The following MYH15 variants were observed in gnomAD, a reference collection of about 807,000 sequenced individuals.
MYH15 encodes myosin-15.
Under a neutral mutation model 240.5 loss-of-function variants are expected in MYH15, and 227 were observed. The ratio of observed to expected loss-of-function variants is 0.94; its 90% CI spans 0.85 to 1.05. The LOEUF is 1.05. Among genes scored for constraint, MYH15 ranks in the 50% least tolerant of loss-of-function variants. The probability of loss-of-function intolerance (pLI) is 0.00; values close to 1 mark genes in which losing one functional copy is unlikely to be tolerated. For synonymous variants in MYH15, 785 were observed against 796.7 expected, an observed-to-expected ratio of 0.99 and a Z score of 0.25; for missense variants, 2,217 against 2,247.5, an observed-to-expected ratio of 0.99 and a Z score of 0.27.
the MYH15 span, among the ~76,000 whole-genome samples, chr3:108,542,779 T>G: frequency 1.3e-5 from 2 of 152,120 alleles, no homozygotes; most frequent in Non-Finnish European, 2.9e-5. Flanking sequence ...CTCCCACTTA[T>G]AACTGAGAAC....
chr3:108,540,729 T>C, the MYH15 span, among the ~76,000 whole-genome samples: 1 of 152,108 alleles, frequency 6.6e-6, no homozygotes, highest in Non-Finnish European at 1.5e-5. Context: ...TAAAATTGCT[T>C]CCATTAACAC....
chr3:108,531,803 A>AATAC (rs1553690584), upstream of MYH15, among the ~76,000 whole-genome samples: 107 of 150,764 alleles, frequency 7.1e-4, 1 homozygote, highest in Middle Eastern at 3.4e-3. Flanking sequence ...TAAATAAATA[A>AATAC]ATACATAAAT....
At position 108,463,941 on chromosome 3, in the gene MYH15, CTGA is replaced by C. The variant is rs2083092400; in HGVS notation, c.1731+694_1731+696del. On this transcript the variant is annotated intron_variant, in intron 15 of 40. Transcript: ENST00000693548. Reference sequence around the variant, plus strand: ...GAATGGTGAAATAATCCAACTGTCTCTGACATACAGTGAACATTCAAAAAAAAA... The same window carrying C: ...GAATGGTGAAATAATCCAACTGTCTCCATACAGTGAACATTCAAAAAAAAA... 5.3e-5 allele frequency among the ~76,000 whole-genome samples: 8 copies of C among 151,614 alleles called. No homozygotes were observed. The South Asian group carries it at 1.7e-3, about 32-fold the overall frequency.
chr3:108,396,984 G>A lies in MYH15; in HGVS notation c.5133+1653C>T, dbSNP rs139957652. Reference sequence around the variant, plus strand: ...TATCTCTGGACCCTACTCACTAAATGCCAGTGGTATTTCCCAGTCACTGTG... The same window carrying A: ...TATCTCTGGACCCTACTCACTAAATACCAGTGGTATTTCCCAGTCACTGTG... On this transcript the variant is annotated intron_variant, in intron 35 of 40. Transcript: ENST00000693548. Among the ~76,000 whole-genome samples the A allele has an allele frequency of 3.8e-3, 573 of 152,264 alleles. 7 individuals are homozygous for A. The highest frequency in any genetic ancestry group is 0.013 in the African/African-American group (538 of 41,530).
intron 1 of MYH15, among the ~76,000 whole-genome samples, chr3:108,516,112 G>T (rs1222715743): frequency 6.6e-6 from 1 of 152,174 alleles, no homozygotes; most frequent in Non-Finnish European, 1.5e-5. Context: ...TGATGCCTAT[G>T]AAGTAAATTG....
rs1491113179 is a variant in MYH15, at chr3:108,383,737, AAT to A, written c.5632-10_5632-9del. The A allele has an allele frequency of 2.6e-4, 367 of 1,420,156 alleles. 2 individuals are homozygous for A. The highest frequency in any genetic ancestry group is 6.8e-4 in the Admixed American group (28 of 41,246). The allele number at this position is 1,420,156 out of a possible 1,614,324, so 88.0% of individuals were successfully genotyped here. A position where few individuals can be genotyped will look rare whatever the true frequency, so the allele number is the denominator to read the frequency against. ...TTGATTGGCTTGTGTTTCCTATAAA[AAT>A]AAAAAAAAAAAAAAAGAAATCTCCA... On this transcript the variant is annotated splice_polypyrimidine_tract_variant and intron_variant, in intron 39 of 40. Transcript: ENST00000693548.
At chr3:108,512,174 G>A (rs2083526650), upstream of MYH15, among the ~76,000 whole-genome samples, 2 of 152,158 alleles carry the variant, frequency 1.3e-5, no homozygotes. Context: ...TTCTGCGGGT[G>A]AGCATTCAGA....
At chr3:108,533,381 T>G (rs896875929), upstream of MYH15, among the ~76,000 whole-genome samples, 1 of 152,152 alleles carries the variant, frequency 6.6e-6, no homozygotes, top group Non-Finnish European at 1.5e-5. Context: ...GGCAGTTTAC[T>G]TAATCCTTCT....
intron 1 of MYH15, among the ~76,000 whole-genome samples, chr3:108,522,550 A>G (rs1034619934): frequency 2.6e-5 from 4 of 152,110 alleles, no homozygotes; most frequent in Admixed American, 2.0e-4. Flanking sequence ...TGACTTGACG[A>G]CAAAATTAAA....
At chr3:108,521,409 A>G (rs76163425) in intron 1 of MYH15, among the ~76,000 whole-genome samples, 2 of 150,928 alleles carry the variant, frequency 1.3e-5, no homozygotes, top group South Asian at 4.2e-4. Context: ...AAAAAAAAAA[A>G]GGAAACTCTT....
rs1191469626 is a variant in MYH15, at chr3:108,408,349, T to C, written c.4551A>G (p.Glu1517=). The C allele has an allele frequency of 1.2e-6, 2 of 1,613,650 alleles. No homozygotes were observed. Among genetic ancestry groups the C allele is most frequent in the Non-Finnish European group, 1.7e-6 (2 of 1,179,832 alleles). ...QVREGTKNLT[E]MEKVKKLIEE... is the part of the protein sequence containing the mutation. ...CAATTAGTTTCTTGACCTTTTCCAT[T>C]TCAGTTAAGTTCTTGGTCCCTTCTC... Residue 1517 remains glutamate (E), a synonymous_variant, in exon 32 of 41, where the codon GAA becomes GAG. Transcript: ENST00000693548.
At chr3:108,528,224 C>CA (rs1432951649) in intron 1 of MYH15, among the ~76,000 whole-genome samples, 2 of 151,672 alleles carry the variant, frequency 1.3e-5, no homozygotes, top group Non-Finnish European at 1.5e-5. Flanking sequence ...GTAAAATATT[C>CA]AAAAAAGCAC....
chr3:108,452,808 A>G (rs2082984886), intron 21 of MYH15, among the ~76,000 whole-genome samples: 1 of 152,134 alleles, frequency 6.6e-6, no homozygotes, highest in Admixed American at 6.5e-5. Flanking sequence ...TAATGTTGTT[A>G]GCAATTACAG....
At chr3:108,464,173 CTGG>C (rs928778622) in intron 15 of MYH15, among the ~76,000 whole-genome samples, 5 of 152,130 alleles carry the variant, frequency 3.3e-5, no homozygotes, top group African/African-American at 1.2e-4. Context: ...GGCATATACA[CTGG>C]TGAGGAAATG....
In MYH15 at chr3:108,500,264, C is replaced by T. The variant is rs777269595; in HGVS notation, c.350G>A (p.Gly117Asp). The T allele has an allele frequency of 6.2e-7, 1 of 1,611,782 alleles. No homozygotes were observed. The highest frequency in any genetic ancestry group is 1.3e-5 in the African/African-American group (1 of 74,796). ...YGQWMIYTYSGLFCVTINPYK... is the reference protein window; with the variant it reads ...YGQWMIYTYSDLFCVTINPYK... Reference sequence around the variant, plus strand: ...AGGGTTTATGGTCACACAGAAGAGACCTGAATATGTCTGAGGGAAAATCAG... The same window carrying T: ...AGGGTTTATGGTCACACAGAAGAGATCTGAATATGTCTGAGGGAAAATCAG... The change falls in exon 4 of 41, where the codon GGT (glycine) becomes GAT (aspartate). Residue 117 changes from glycine (G) to aspartate (D), a missense_variant. Physicochemically the swap from Gly to Asp is moderately conservative, Grantham distance 94 (BLOSUM62 -1). Transcript: ENST00000693548.
At chr3:108,437,756 G>A (rs2082853149) in intron 24 of MYH15, 57 bp from the exon 25 acceptor site, 2 of 1,526,218 alleles carry the variant, frequency 1.3e-6, no homozygotes, top group Admixed American at 2.2e-5. Context: ...TACTTCACTA[G>A]ATGTGTTCAT....
chr3:108,427,305 G>A (rs2082731717), intron 27 of MYH15, among the ~76,000 whole-genome samples: 1 of 152,206 alleles, frequency 6.6e-6, no homozygotes, highest in Non-Finnish European at 1.5e-5. Flanking sequence ...AGAATGGCCA[G>A]TGTGATAGTG....
At chr3:108,494,377 ACTC>A (rs1311286598) in intron 7 of MYH15, among the ~76,000 whole-genome samples, 2 of 151,604 alleles carry the variant, frequency 1.3e-5, no homozygotes, top group Non-Finnish European at 2.9e-5. Context: ...ATTTTTTTGA[ACTC>A]CTTTTTCTTT....
At chr3:108,516,732 G>A (rs140157432) in intron 1 of MYH15, among the ~76,000 whole-genome samples, 6 of 152,230 alleles carry the variant, frequency 3.9e-5, no homozygotes, top group East Asian at 3.9e-4. Flanking sequence ...TTATTTATAC[G>A]CAGCTTATTT....
Sources: gnomAD v4.1 joint callset for allele counts (sites outside exome capture counted in the v4.1 genomes callset) on GRCh38, gnomAD v4.1.1 for gene constraint, MANE v1.5 for transcripts, NCBI Gene and HGNC (gene_info 2026-07-23, HGNC 2026-07-21) for gene names.